Variants in KCNAB1 observed in about 807,000 individuals in gnomAD.
The protein encoded by KCNAB1 is potassium voltage-gated channel subfamily A regulatory beta subunit 1, also known as voltage-gated potassium channel subunit beta-1.
In KCNAB1, 35 loss-of-function variants were observed where a neutral mutation model predicts 64.6. The ratio of observed to expected loss-of-function variants is 0.54; its 90% confidence interval spans 0.41 to 0.72. The LOEUF (loss-of-function observed/expected upper bound fraction) is 0.72, where lower values mean the gene tolerates loss of function less well. Ranked by LOEUF, KCNAB1 falls within the 30% of genes least tolerant of loss-of-function variation. The pLI, the probability that KCNAB1 is intolerant of heterozygous loss-of-function variation, is 0.00. For missense variants in KCNAB1, 401 were observed against 512.9 expected, an observed-to-expected ratio of 0.78 and a Z score of 2.11; for synonymous variants, 177 against 183.8, an observed-to-expected ratio of 0.96 and a Z score of 0.30.
At chr3:156,291,018 C>G in intron 1 of KCNAB1, 5 of 985,714 alleles carry the variant, frequency 5.1e-6, no homozygotes, top group Non-Finnish European at 6.0e-6. Flanking sequence ...GCATAAGCAC[C>G]CCCTCTCTGC....
At chr3:156,442,405 A>G (rs1306947233) in intron 2 of KCNAB1, among the ~76,000 whole-genome samples, 2 of 152,168 alleles carry the variant, frequency 1.3e-5, no homozygotes, top group Non-Finnish European at 2.9e-5. Context: ...AACTGTACCA[A>G]TCAGATTAAT....
In KCNAB1 at chr3:156,159,071, G is replaced by GC. The variant is rs975324268; in HGVS notation, c.275+38193dup. Among the ~76,000 whole-genome samples, 232 of 150,878 alleles carry GC rather than the reference G, an allele frequency of 1.5e-3. 1 individual carries two copies. The highest frequency in any genetic ancestry group is 0.01 in the Middle Eastern group (3 of 294). On this transcript the variant is annotated intron_variant, in intron 1 of 13. Transcript: ENST00000490337. ...ATGGCGAGGCAACCTACATATGTCC[G>GC]CCCCCCCCTGTAATAATTGAGTCTG...
chr3:156,273,250 A>G (rs1217899134), intron 1 of KCNAB1, among the ~76,000 whole-genome samples: 2 of 152,216 alleles, frequency 1.3e-5, no homozygotes, highest in Non-Finnish European at 2.9e-5. Context: ...CACGCCCTCC[A>G]AATCCACTGG....
intron 1 of KCNAB1, among the ~76,000 whole-genome samples, chr3:156,157,017 A>G (rs942567539): frequency 6.6e-6 from 1 of 152,208 alleles, no homozygotes; most frequent in East Asian, 1.9e-4. Flanking sequence ...GCAGAAAGGC[A>G]GGAGAGAGAC....
intron 1 of KCNAB1, among the ~76,000 whole-genome samples, chr3:156,316,065 A>G (rs1390993129): frequency 6.6e-6 from 1 of 152,230 alleles, no homozygotes; most frequent in African/African-American, 2.4e-5. Flanking sequence ...GTACAACTCA[A>G]AAAAACTAGT....
chr3:156,259,903 CT>C (rs980988718), intron 1 of KCNAB1, among the ~76,000 whole-genome samples: 2 of 152,172 alleles, frequency 1.3e-5, no homozygotes, highest in African/African-American at 4.8e-5. Flanking sequence ...ACTATTGCTG[CT>C]CTGCCATCTC....
chr3:156,293,264 T>C (rs1473974056), intron 1 of KCNAB1, among the ~76,000 whole-genome samples: 1 of 152,254 alleles, frequency 6.6e-6, no homozygotes, highest in Non-Finnish European at 1.5e-5. Context: ...TGTTTGTGAA[T>C]GTAGAGGAGA....
intron 5 of KCNAB1, 34 bp from the exon 6 acceptor site, chr3:156,463,668 A>G (rs773699330): frequency 1.3e-6 from 2 of 1,531,070 alleles, no homozygotes; most frequent in South Asian, 2.4e-5. Context: ...GCATTTATTT[A>G]CTACTTCTCT....
At chr3:156,462,953 G>A (rs1458680827) in intron 5 of KCNAB1, among the ~76,000 whole-genome samples, 2 of 152,132 alleles carry the variant, frequency 1.3e-5, no homozygotes, top group African/African-American at 4.8e-5. Flanking sequence ...CTTTCAGAAG[G>A]TAATAAGTTT....
At chr3:156,438,314 C>A (rs1716737498) in intron 2 of KCNAB1, among the ~76,000 whole-genome samples, 1 of 152,176 alleles carries the variant, frequency 6.6e-6, no homozygotes, top group African/African-American at 2.4e-5. Flanking sequence ...TTTTGATGAC[C>A]AATGCAAGAA....
rs1302538217 is a variant in KCNAB1, at chr3:156,244,672, A to G, written c.275+123786A>G. On this transcript the variant is annotated intron_variant, in intron 1 of 13. Transcript: ENST00000490337. ...CACTTTTAGTGGCTCTGATTTTCTG[A>G]CTTAACCCTGATAGATACACCCCCA... Among the ~76,000 whole-genome samples the G allele has an allele frequency of 2.0e-5, 3 of 152,052 alleles. No homozygotes were observed. In the East Asian group the frequency reaches 5.8e-4, roughly 29 times the overall value.
intron 1 of KCNAB1, among the ~76,000 whole-genome samples, chr3:156,259,485 T>A (rs941934101): frequency 6.6e-6 from 1 of 152,162 alleles, no homozygotes; most frequent in Non-Finnish European, 1.5e-5. Context: ...TTTTGGACTG[T>A]CCTCATGTTG....
chr3:156,387,521 T>C (rs1250194147), intron 1 of KCNAB1, among the ~76,000 whole-genome samples: 2 of 152,270 alleles, frequency 1.3e-5, no homozygotes, highest in African/African-American at 4.8e-5. Flanking sequence ...TATTCCATTA[T>C]AGCTGTAGTG....
intron 1 of KCNAB1, among the ~76,000 whole-genome samples, chr3:156,280,444 A>T (rs778035155): frequency 6.6e-6 from 1 of 151,476 alleles, no homozygotes; most frequent in African/African-American, 2.4e-5. Flanking sequence ...TTGCCTTGGC[A>T]ATGCGGGCTC....
chr3:156,494,560 T>A (rs1715864565), intron 8 of KCNAB1, among the ~76,000 whole-genome samples: 1 of 152,188 alleles, frequency 6.6e-6, no homozygotes, highest in Admixed American at 6.5e-5. Context: ...TCTCCACTGT[T>A]CTGTATCTGT....
At chr3:156,160,142 A>C (rs1307492724) in intron 1 of KCNAB1, among the ~76,000 whole-genome samples, 1 of 152,186 alleles carries the variant, frequency 6.6e-6, no homozygotes, top group Non-Finnish European at 1.5e-5. Context: ...CTAGAAGAGA[A>C]TTTGATGTAG....
At position 156,146,714 on chromosome 3, in the gene KCNAB1, A is replaced by C. The variant is rs185859487; in HGVS notation, c.275+25828A>C. 4.4e-3 allele frequency among the ~76,000 whole-genome samples: 666 copies of C among 152,376 alleles called. 4 individuals carry two copies. Among genetic ancestry groups the C allele is most frequent in the African/African-American group, 0.015 (633 of 41,580 alleles). The stretch of plus-strand genomic sequence containing the variant: ...TGATGATATGCAAATGAGTGGGCAC[A>C]GCCATGTTCCAATGAAACTTTATTT... On this transcript the variant is annotated intron_variant, in intron 1 of 13. Transcript: ENST00000490337.
intron 1 of KCNAB1, among the ~76,000 whole-genome samples, chr3:156,256,406 T>A (rs1010113049): frequency 5.9e-5 from 9 of 152,246 alleles, no homozygotes; most frequent in African/African-American, 2.2e-4. Context: ...CCAGCATTTA[T>A]GGCTGATGCC....
intron 1 of KCNAB1, among the ~76,000 whole-genome samples, chr3:156,157,641 A>T (rs895642219): frequency 6.6e-6 from 1 of 152,188 alleles, no homozygotes; most frequent in African/African-American, 2.4e-5. Context: ...TGAGGTGTGT[A>T]TGCGTATGCA....
Sources: allele counts gnomAD v4.1 joint callset (sites outside exome capture counted in the v4.1 genomes callset), GRCh38; gene constraint gnomAD v4.1.1; transcripts MANE v1.5; gene names NCBI Gene and HGNC (gene_info 2026-07-23, HGNC 2026-07-21).